The following ANAPC7 variants were observed in gnomAD, a reference collection of about 807,000 sequenced individuals.
The protein encoded by ANAPC7 is anaphase promoting complex subunit 7.
Under a neutral mutation model 63.3 loss-of-function variants are expected in ANAPC7, and 25 were observed. That is an observed-to-expected ratio of 0.39 (90% confidence interval 0.29 to 0.55). The LOEUF is 0.55. ANAPC7 is among the 20% of genes least tolerant of loss of function. The pLI is 0.57. For missense variants in ANAPC7, 516 were observed against 691.7 expected (o/e 0.75, Z 2.85); for synonymous variants, 241 against 251.7 (o/e 0.96, Z 0.40).
In ANAPC7 at chr12:110,374,133, C is replaced by G; in HGVS notation, c.*11G>C. On this transcript the variant is annotated 3_prime_UTR_variant, in exon 11 of 11. Coordinates refer to ENST00000455511, the MANE Select transcript of ANAPC7 (RefSeq NM_016238.3). ...AGGGCAGGCCACTGCGGCCATGGAG[C>G]TGCCGCCCCCTCACTGCATGCCGAA... 1 of 1,601,286 alleles carries G rather than the reference C, an allele frequency of 6.2e-7. No homozygotes were observed. The highest frequency in any genetic ancestry group is 1.1e-5 in the South Asian group (1 of 89,878).
At chr12:110,399,963 G>A (rs2062205330) in intron 1 of ANAPC7, among the ~76,000 whole-genome samples, 1 of 151,592 alleles carries the variant, frequency 6.6e-6, no homozygotes, top group Non-Finnish European at 1.5e-5. Context: ...GCATGGTGGT[G>A]GGCGCCTGTA....
chr12:110,387,998 C>T, intron 4 of ANAPC7, 106 bp from the exon 5 acceptor site: 2 of 1,234,314 alleles, frequency 1.6e-6, no homozygotes, highest in South Asian at 1.4e-5. Context: ...CAACTGCTTC[C>T]CTATTCTGAG....
rs759280978 is a variant in ANAPC7 at position 110,392,178 on chromosome 12, A to C, written c.408+2923T>G. ...GCAGACATTCTTCATCTGTGCAACA[A>C]GATTATTCTTGGAGTAAGAGAAGAC... On this transcript the variant is annotated intron_variant, in intron 3 of 10. Transcript: ENST00000455511. Among the ~76,000 whole-genome samples the C allele has an allele frequency of 5.9e-5, 9 of 152,064 alleles. 1 individual carries two copies. In the South Asian group the frequency reaches 1.2e-3, roughly 21 times the overall value.
intron 8 of ANAPC7, among the ~76,000 whole-genome samples, chr12:110,380,583 G>A (rs2137927355): frequency 6.6e-6 from 1 of 151,284 alleles, no homozygotes; most frequent in South Asian, 2.1e-4. Context: ...CCCGGAAGGT[G>A]GAGGTTGCAA....
intron 3 of ANAPC7, among the ~76,000 whole-genome samples, chr12:110,389,257 C>T (rs1031271203): frequency 6.6e-6 from 1 of 152,044 alleles, no homozygotes; most frequent in Non-Finnish European, 1.5e-5. Flanking sequence ...TGGTAGAGAA[C>T]GCTAGTTAAC....
rs1198509709 is a variant in ANAPC7 at position 110,377,582 on chromosome 12, G to C, written c.1168C>G (p.Arg390Gly). ...IECYLASNSI[R>G]EAMVMANNVY... ...TTGTTAGCCATTACCATTGCTTCTC[G>C]AATACTGTTGGAGGCTAAGTAACAT... The change falls in exon 9 of 11, where the codon CGA (arginine) becomes GGA (glycine). Residue 390 changes from arginine (R) to glycine (G), a missense_variant. This residue lies in a region of ANAPC7 where 199 missense variants were observed against 249.3 expected (regional missense o/e 0.80). Transcript: ENST00000455511. The C allele has an allele frequency of 2.5e-6, 4 of 1,614,140 alleles. No homozygotes were observed. The highest frequency in any genetic ancestry group is 3.4e-6 in the Non-Finnish European group (4 of 1,180,024).
At position 110,374,032 on chromosome 12, in the gene ANAPC7, G is replaced by T. The variant is rs971754777; in HGVS notation, c.*112C>A. 2.4e-6 allele frequency: 3 copies of T among 1,257,906 alleles called. No individual in the cohort carries two copies. Among genetic ancestry groups the T allele is most frequent in the Admixed American group, 2.4e-5 (1 of 41,584 alleles). The allele number at this position is 1,257,906 out of a possible 1,614,324, so 77.9% of individuals were successfully genotyped here. ...GAGCGAGGGGGCAGAGACCCCTGCT[G>T]CAATCACATGCTGAATCATTGTCCT... On this transcript the variant is annotated 3_prime_UTR_variant, in exon 11 of 11. Coordinates refer to ENST00000455511, the MANE Select transcript of ANAPC7 (RefSeq NM_016238.3).
intron 5 of ANAPC7, chr12:110,387,337 CAGAGAGAG>C (rs1208398561): frequency 4.8e-5 from 1 of 20,730 alleles, no homozygotes; most frequent in Non-Finnish European, 8.3e-5. Flanking sequence ...GAGAGAGAGG[CAGAGAGAG>C]AGAGAGACAG....
chr12:110,377,666 A>C, intron 8 of ANAPC7, 49 bp from the exon 9 acceptor site: 1 of 1,610,104 alleles, frequency 6.2e-7, no homozygotes, highest in South Asian at 1.1e-5. Context: ...TACCATTCCA[A>C]CCCATGCTTC....
intron 10 of ANAPC7, chr12:110,375,793 C>T: frequency 9.0e-7 from 1 of 1,105,860 alleles, no homozygotes; most frequent in Non-Finnish European, 1.1e-6. Context: ...TGTGTGTGGG[C>T]AAGGACAGAA....
chr12:110,394,852 T>A (rs1883434094), intron 3 of ANAPC7, among the ~76,000 whole-genome samples: 1 of 151,704 alleles, frequency 6.6e-6, no homozygotes, highest in African/African-American at 2.4e-5. Flanking sequence ...TCAAAAAATA[T>A]TAAATTAAGT....
At chr12:110,388,666 G>A (rs1232659146) in intron 3 of ANAPC7, 43 bp from the exon 4 acceptor site, 1 of 1,405,894 alleles carries the variant, frequency 7.1e-7, no homozygotes, top group South Asian at 1.2e-5. Context: ...AGCGTATATT[G>A]CAAAGAAAAT....
intron 10 of ANAPC7, chr12:110,375,358 A>G: frequency 2.1e-6 from 2 of 933,544 alleles, no homozygotes; most frequent in Middle Eastern, 5.5e-4. Flanking sequence ...TGCTAGGCAC[A>G]CAAGTGGTGC....
At chr12:110,391,197 CA>C (rs1179309261) in intron 3 of ANAPC7, among the ~76,000 whole-genome samples, 3 of 151,954 alleles carry the variant, frequency 2.0e-5, no homozygotes, top group African/African-American at 7.2e-5. Flanking sequence ...CTCAAACAAA[CA>C]AACAAAAAAA....
intron 3 of ANAPC7, among the ~76,000 whole-genome samples, chr12:110,389,039 G>A (rs968348284): frequency 1.4e-5 from 2 of 142,514 alleles, no homozygotes; most frequent in African/African-American, 2.7e-5. Context: ...CCGACATCAC[G>A]CCACTGCACT....
chr12:110,395,946 G>A (rs988502022), intron 2 of ANAPC7, among the ~76,000 whole-genome samples: 5 of 152,142 alleles, frequency 3.3e-5, no homozygotes, highest in African/African-American at 1.2e-4. Context: ...CACAGATGGG[G>A]GGTGAGGGGG....
At chr12:110,382,461 A>AAATATATATAT (rs1555289541) in intron 7 of ANAPC7, among the ~76,000 whole-genome samples, 2 of 30,842 alleles carry the variant, frequency 6.5e-5, no homozygotes, top group African/African-American at 1.2e-4. Flanking sequence ...AAAAAAAAAA[A>AAATATATATAT]ATATATATAT....
intron 1 of ANAPC7, among the ~76,000 whole-genome samples, chr12:110,402,071 T>A (rs1456071938): frequency 1.3e-5 from 2 of 151,032 alleles, no homozygotes; most frequent in African/African-American, 4.8e-5. Flanking sequence ...GCTACTTGGT[T>A]GGCTGAGGCA....
chr12:110,403,504 G>A, intron 1 of ANAPC7, 23 bp downstream of exon 1: 1 of 1,567,910 alleles, frequency 6.4e-7, no homozygotes, highest in Non-Finnish European at 8.6e-7. Flanking sequence ...CTCAGCCCCA[G>A]GCAGCTACCC....
Sources: allele counts gnomAD v4.1 joint callset (sites outside exome capture counted in the v4.1 genomes callset), GRCh38; gene constraint gnomAD v4.1.1; regional missense constraint gnomAD v4.1.1; transcripts MANE v1.5; gene names NCBI Gene and HGNC (gene_info 2026-07-23, HGNC 2026-07-21).